MOXD1: variants seen among roughly 807,000 people sequenced by gnomAD.
MOXD1 encodes the protein DBH-like monooxygenase protein 1.
Under a neutral mutation model 66.6 loss-of-function variants are expected in MOXD1, and 62 were observed. That is an observed-to-expected ratio of 0.93 (90% CI 0.76 to 1.15). The LOEUF (loss-of-function observed/expected upper bound fraction) is 1.15, where lower values mean the gene tolerates loss of function less well. Ranked by LOEUF, MOXD1 falls within the 50% of genes most tolerant of loss-of-function variation. MOXD1 has a pLI of 0.00. For missense variants in MOXD1, 847 were observed against 754.6 expected (o/e 1.12, Z -1.44); for synonymous variants, 303 against 281.9 (o/e 1.07, Z -0.75).
At chr6:132,311,786 TAAC>T (rs1774836798) in intron 10 of MOXD1, among the ~76,000 whole-genome samples, 1 of 152,170 alleles carries the variant, frequency 6.6e-6, no homozygotes, top group African/African-American at 2.4e-5. Context: ...ATGTTTATAA[TAAC>T]ATTCATTCAA....
At chr6:132,379,368 AG>A (rs778539442) in intron 1 of MOXD1, among the ~76,000 whole-genome samples, 3 of 152,296 alleles carry the variant, frequency 2.0e-5, no homozygotes, top group Non-Finnish European at 1.5e-5. Context: ...AACCCTTTAA[AG>A]GGCACCTATA....
At position 132,324,075 on chromosome 6, in the gene MOXD1, C is replaced by G. The variant is rs756694145; in HGVS notation, c.969G>C (p.Leu323=). 6 of 1,613,550 alleles carry G rather than the reference C, an allele frequency of 3.7e-6. No individual in the cohort carries two copies. The highest frequency in any genetic ancestry group is 4.2e-6 in the Non-Finnish European group (5 of 1,179,738). Residue 323 remains leucine, a synonymous_variant, in exon 7 of 12, where the codon CTG becomes CTC. Coordinates refer to ENST00000367963, the MANE Select transcript of MOXD1 (RefSeq NM_015529.4). Reference sequence around the variant, plus strand: ...TTATATCCATTGTGTAAAATAACCTCAGTCCAGAATTATCTATTAAGCCTA... The same window carrying G: ...TTATATCCATTGTGTAAAATAACCTGAGTCCAGAATTATCTATTAAGCCTA... The part of the protein sequence containing the change: ...YEEGLIDNSG[L]RLFYTMDIRK...
Position 132,357,357 on chromosome 6 carries a change from G to T in MOXD1, c.663+15251C>A, listed in dbSNP as rs541025282. Among the ~76,000 whole-genome samples, 11 of 152,152 alleles carry T rather than the reference G, an allele frequency of 7.2e-5. No individual in the cohort carries two copies. The South Asian group carries it at 2.3e-3, about 32-fold the overall frequency. On this transcript the variant is annotated intron_variant, in intron 4 of 11. Transcript: ENST00000367963. ...TGTTTACCACTGAAAAAAGAACTTA[G>T]TTCTCTAACCTTGTAAATGTAATTC...
chr6:132,378,872 C>G (rs1776448663), intron 1 of MOXD1, among the ~76,000 whole-genome samples: 1 of 100,094 alleles, frequency 1.0e-5, no homozygotes, highest in Admixed American at 1.2e-4. Flanking sequence ...CAGAACACTT[C>G]CTCTTTTTTT....
intron 6 of MOXD1, among the ~76,000 whole-genome samples, chr6:132,326,823 A>G (rs10484483): frequency 0.091 from 13,809 of 152,284 alleles, 748 homozygotes; most frequent in South Asian, 0.22. Context: ...CTTGCTCACA[A>G]ATAGAATAGC....
Position 132,306,058 on chromosome 6 carries a change from A to T in MOXD1, c.1509-8103T>A, listed in dbSNP as rs111996922. ...CAGGCTTCAGAAGATGGGTAATAAAAACTATGCTGGGCTAAAGAAGCATGT... is the reference window on the plus strand; with the variant it reads ...CAGGCTTCAGAAGATGGGTAATAAATACTATGCTGGGCTAAAGAAGCATGT... On this transcript the variant is annotated intron_variant, in intron 10 of 11. Coordinates refer to ENST00000367963, the MANE Select transcript of MOXD1 (RefSeq NM_015529.4). Among the ~76,000 whole-genome samples, 499 of 152,238 alleles carry T rather than the reference A, an allele frequency of 3.3e-3. 3 individuals are homozygous for T. Among genetic ancestry groups the T allele is most frequent in the African/African-American group, 0.011 (475 of 41,548 alleles).
intron 4 of MOXD1, among the ~76,000 whole-genome samples, chr6:132,371,623 T>C (rs907381339): frequency 2.8e-4 from 43 of 152,300 alleles, no homozygotes; most frequent in African/African-American, 1.2e-4. Flanking sequence ...AAAAGTGTTA[T>C]GGCTGTCCAT....
chr6:132,308,998 T>C (rs1465635520), intron 10 of MOXD1, among the ~76,000 whole-genome samples: 2 of 152,160 alleles, frequency 1.3e-5, no homozygotes, highest in Non-Finnish European at 2.9e-5. Context: ...CTGTTCAACA[T>C]AGTATTGGAT....
chr6:132,346,201 T>G (rs1196836564), intron 4 of MOXD1, among the ~76,000 whole-genome samples: 1 of 152,188 alleles, frequency 6.6e-6, no homozygotes, highest in African/African-American at 2.4e-5. Context: ...AGGTTTTTAC[T>G]TAGTAAAATA....
chr6:132,335,447 CAT>C (rs750053685), intron 4 of MOXD1, among the ~76,000 whole-genome samples: 3 of 152,034 alleles, frequency 2.0e-5, no homozygotes, highest in Non-Finnish European at 4.4e-5. Context: ...AATCCAATGA[CAT>C]GTGTCTTTAT....
intron 4 of MOXD1, among the ~76,000 whole-genome samples, chr6:132,372,280 C>T (rs1582600073): frequency 1.3e-5 from 2 of 152,092 alleles, no homozygotes; most frequent in East Asian, 3.8e-4. Context: ...TATAATTTAT[C>T]AATACGTAAA....
intron 7 of MOXD1, among the ~76,000 whole-genome samples, chr6:132,323,661 A>G (rs1775126503): frequency 6.6e-6 from 1 of 152,206 alleles, no homozygotes; most frequent in Admixed American, 6.5e-5. Context: ...ATTGTAAAAG[A>G]TGATATACAG....
chr6:132,380,053 G>C (rs903531176), intron 1 of MOXD1, among the ~76,000 whole-genome samples: 4 of 152,202 alleles, frequency 2.6e-5, no homozygotes, highest in Middle Eastern at 3.4e-3. Context: ...TGCCCGGCCT[G>C]TAGTTTTCTT....
chr6:132,338,564 C>T (rs374727501), intron 4 of MOXD1, among the ~76,000 whole-genome samples: 1 of 152,144 alleles, frequency 6.6e-6, no homozygotes, highest in African/African-American at 2.4e-5. Context: ...GCTTCTTCTT[C>T]CCTTGCCTTA....
At chr6:132,299,989 G>T (rs1774496398) in intron 10 of MOXD1, among the ~76,000 whole-genome samples, 1 of 151,342 alleles carries the variant, frequency 6.6e-6, no homozygotes, top group Non-Finnish European at 1.5e-5. Flanking sequence ...TAATTTCTTG[G>T]AGTTATAAAG....
At chr6:132,365,080 T>C (rs911962268) in intron 4 of MOXD1, among the ~76,000 whole-genome samples, 9 of 152,208 alleles carry the variant, frequency 5.9e-5, no homozygotes, top group African/African-American at 1.2e-4. Context: ...ATAATATCAG[T>C]AACAAGTTTA....
At chr6:132,382,026 T>C (rs1483500054) in intron 1 of MOXD1, among the ~76,000 whole-genome samples, 3 of 152,114 alleles carry the variant, frequency 2.0e-5, no homozygotes, top group Non-Finnish European at 4.4e-5. Flanking sequence ...TGCTTTATAT[T>C]CCAGGATTTG....
chr6:132,340,638 ATTTT>A lies in MOXD1; in HGVS notation c.664-12048_664-12045del, dbSNP rs869205496. On this transcript the variant is annotated intron_variant, in intron 4 of 11. Coordinates refer to ENST00000367963, the MANE Select transcript of MOXD1 (RefSeq NM_015529.4). ...ACAACATGCTAAAACAACAAGACTCATTTTTTTTTTTTTTTTTTTTTTTTTTGAG... is the reference window on the plus strand; with the variant it reads ...ACAACATGCTAAAACAACAAGACTCATTTTTTTTTTTTTTTTTTTTTTGAG... Among the ~76,000 whole-genome samples the A allele has an allele frequency of 8.0e-3, 789 of 98,736 alleles. 47 individuals are homozygous for A. Among genetic ancestry groups the A allele is most frequent in the African/African-American group, 0.032 (716 of 22,518 alleles). The allele number at this position is 98,736 out of a possible 152,430, so 64.8% of individuals were successfully genotyped here. A position where few individuals can be genotyped will look rare whatever the true frequency, so the allele number is the denominator to read the frequency against.
At chr6:132,386,222 G>T (rs1460542087) in intron 1 of MOXD1, among the ~76,000 whole-genome samples, 1 of 142,214 alleles carries the variant, frequency 7.0e-6, no homozygotes, top group Non-Finnish European at 1.5e-5. Flanking sequence ...CTAACACGGT[G>T]AAACCCCGTC....
Sources: allele counts gnomAD v4.1 joint callset (sites outside exome capture counted in the v4.1 genomes callset), GRCh38; gene constraint gnomAD v4.1.1; transcripts MANE v1.5; gene names NCBI Gene and HGNC (gene_info 2026-07-23, HGNC 2026-07-21).